The following RFX4 variants were observed in gnomAD, a reference collection of about 807,000 sequenced individuals.
RFX4 encodes regulatory factor X4.
A neutral mutation model predicts 95.0 loss-of-function variants in RFX4; 10 were observed. The ratio of observed to expected loss-of-function variants is 0.11; its 90% CI spans 0.06 to 0.18. The LOEUF (loss-of-function observed/expected upper bound fraction) is 0.18. Ranked by LOEUF, RFX4 falls within the 10% of genes least tolerant of loss-of-function variation. RFX4 has a pLI of 1.00. For missense variants in RFX4, 640 were observed against 922.0 expected, an observed-to-expected ratio of 0.69 and a Z score of 3.96; for synonymous variants, 321 against 340.7, an observed-to-expected ratio of 0.94 and a Z score of 0.64.
rs554959858 is a variant in RFX4 at position 106,734,774 on chromosome 12, G to T, written c.1633+1689G>T. Reference sequence around the variant, plus strand: ...GTATTGTTAAGATGAGAACTAAAAAGAAATCAGCCAGGCATGGTGACTCAC... The same window carrying T: ...GTATTGTTAAGATGAGAACTAAAAATAAATCAGCCAGGCATGGTGACTCAC... On this transcript the variant is annotated intron_variant, in intron 15 of 17. Coordinates refer to ENST00000392842, the MANE Select transcript of RFX4 (RefSeq NM_213594.3). 2.0e-5 allele frequency among the ~76,000 whole-genome samples: 3 copies of T among 152,068 alleles called. No homozygotes were observed. In the East Asian group the frequency reaches 5.8e-4, roughly 29 times the overall value.
intron 2 of RFX4, among the ~76,000 whole-genome samples, chr12:106,610,720 G>A (rs1328079730): frequency 6.6e-6 from 1 of 152,102 alleles, no homozygotes; most frequent in Non-Finnish European, 1.5e-5. Flanking sequence ...GACATTGATG[G>A]GCAATTGAGT....
intron 5 of RFX4, chr12:106,684,916 G>C: frequency 6.2e-7 from 1 of 1,613,768 alleles, no homozygotes; most frequent in Non-Finnish European, 8.5e-7. Flanking sequence ...ATGGTATCAG[G>C]AGTAAAGGAG....
At chr12:106,691,099 A>C (rs2041771689) in intron 7 of RFX4, among the ~76,000 whole-genome samples, 2 of 152,216 alleles carry the variant, frequency 1.3e-5, no homozygotes, top group African/African-American at 4.8e-5. Context: ...AGATGCTGCT[A>C]TGGAAAGAGT....
intron 17 of RFX4, among the ~76,000 whole-genome samples, chr12:106,756,007 T>C (rs150996544): frequency 6.6e-4 from 101 of 152,342 alleles, no homozygotes; most frequent in Admixed American, 2.0e-3. Flanking sequence ...AAATAGAATA[T>C]GTGTATGCCC....
At chr12:106,735,842 A>C (rs1333275041) in intron 15 of RFX4, among the ~76,000 whole-genome samples, 1 of 152,234 alleles carries the variant, frequency 6.6e-6, no homozygotes, top group Non-Finnish European at 1.5e-5. Flanking sequence ...TATGGAAGGA[A>C]GAATGTGGTA....
intron 10 of RFX4, among the ~76,000 whole-genome samples, chr12:106,712,319 C>T (rs1056620166): frequency 6.6e-6 from 1 of 152,212 alleles, no homozygotes; most frequent in Non-Finnish European, 1.5e-5. Context: ...TGACAACTTG[C>T]TCCCAGAGTC....
chr12:106,730,697 G>A (rs868317036), intron 13 of RFX4, among the ~76,000 whole-genome samples: 25 of 152,260 alleles, frequency 1.6e-4, no homozygotes, highest in African/African-American at 6.0e-4. Flanking sequence ...TAATGCCAGA[G>A]AGTCCCGTAA....
intron 1 of RFX4, 25 bp downstream of exon 1, chr12:106,583,388 G>A: frequency 6.5e-7 from 1 of 1,548,314 alleles, no homozygotes; most frequent in Non-Finnish European, 8.7e-7. Flanking sequence ...CGGGGTTGGG[G>A]GGATACATTG....
chr12:106,701,398 C>T (rs919119306), intron 8 of RFX4, among the ~76,000 whole-genome samples: 6 of 152,142 alleles, frequency 3.9e-5, no homozygotes, highest in Admixed American at 2.0e-4. Flanking sequence ...CTGAGCTTCT[C>T]GGATCTGTGC....
intron 3 of RFX4, among the ~76,000 whole-genome samples, chr12:106,644,838 G>A (rs2040710330): frequency 6.6e-6 from 1 of 152,156 alleles, no homozygotes; most frequent in Admixed American, 6.5e-5. Flanking sequence ...CCTTCATGCT[G>A]TGCCCTCTCT....
chr12:106,648,147 G>A (rs1039576599), intron 3 of RFX4, among the ~76,000 whole-genome samples: 18 of 152,220 alleles, frequency 1.2e-4, no homozygotes, highest in Non-Finnish European at 2.5e-4. Flanking sequence ...AGGGAGGAAA[G>A]GATGAAGAAG....
chr12:106,753,415 C>T (rs1298090227), intron 17 of RFX4, among the ~76,000 whole-genome samples: 1 of 152,192 alleles, frequency 6.6e-6, no homozygotes, highest in African/African-American at 2.4e-5. Flanking sequence ...TTAGGTGCCA[C>T]TCCCTGGGTT....
chr12:106,599,407 C>T (rs1382617707), intron 1 of RFX4, among the ~76,000 whole-genome samples: 2 of 152,004 alleles, frequency 1.3e-5, no homozygotes, highest in Non-Finnish European at 2.9e-5. Flanking sequence ...TAGTTAGGTT[C>T]GAGTCAGATT....
intron 2 of RFX4, among the ~76,000 whole-genome samples, chr12:106,631,660 C>T (rs1457502123): frequency 6.6e-6 from 1 of 152,188 alleles, no homozygotes; most frequent in African/African-American, 2.4e-5. Context: ...CACCAGACAC[C>T]AAATCACTGG....
intron 11 of RFX4, among the ~76,000 whole-genome samples, chr12:106,718,156 T>C (rs2042328230): frequency 6.6e-6 from 1 of 152,116 alleles, no homozygotes; most frequent in African/African-American, 2.4e-5. Context: ...GGGGCTGGGA[T>C]GCCCAACAGA....
At chr12:106,746,868 T>C (rs1266692686) in intron 15 of RFX4, among the ~76,000 whole-genome samples, 1 of 152,204 alleles carries the variant, frequency 6.6e-6, no homozygotes, top group African/African-American at 2.4e-5. Flanking sequence ...CGCCCTCCCT[T>C]CCTTTCTTCC....
chr12:106,599,849 TTAA>T (rs1355060741), intron 1 of RFX4, among the ~76,000 whole-genome samples: 6 of 152,258 alleles, frequency 3.9e-5, no homozygotes, highest in African/African-American at 1.4e-4. Flanking sequence ...GGCAAAATTA[TTAA>T]TAATATTGCT....
intron 9 of RFX4, among the ~76,000 whole-genome samples, chr12:106,710,028 G>A (rs1158855457): frequency 6.6e-6 from 1 of 152,182 alleles, no homozygotes; most frequent in African/African-American, 2.4e-5. Context: ...TCTTTGCTGA[G>A]TGTTGGCACC....
Position 106,594,814 on chromosome 12 carries a change from A to AG in RFX4, c.43+11451_43+11452insG, listed in dbSNP as rs1358028178. On this transcript the variant is annotated intron_variant, in intron 1 of 17. Transcript: ENST00000392842. Reference sequence around the variant, plus strand: ...TATTGAGAGGGATTAAAAAAAAAAAAAAGAAATGAAAACACCAAGGCTGTA... The same window carrying AG: ...TATTGAGAGGGATTAAAAAAAAAAAAGAAGAAATGAAAACACCAAGGCTGTA... Among the ~76,000 whole-genome samples, 57 of 151,800 alleles carry AG rather than the reference A, an allele frequency of 3.8e-4. No individual in the cohort carries two copies. In the South Asian group the frequency reaches 0.011, roughly 31 times the overall value.
Sources: allele counts gnomAD v4.1 joint callset (sites outside exome capture counted in the v4.1 genomes callset), GRCh38; gene constraint gnomAD v4.1.1; transcripts MANE v1.5; gene names NCBI Gene and HGNC (gene_info 2026-07-23, HGNC 2026-07-21).